Variants in USP42 observed in about 807,000 individuals in gnomAD.
USP42 encodes the protein ubiquitin specific peptidase 42.
A neutral mutation model predicts 113.0 loss-of-function variants in USP42; 23 were observed. The ratio of observed to expected loss-of-function variants is 0.20; its 90% CI spans 0.15 to 0.29. USP42 has a LOEUF of 0.29. USP42 is among the 10% of genes least tolerant of loss of function. USP42 has a pLI of 1.00. For missense variants in USP42, 2,174 were observed against 1,779.8 expected, an observed-to-expected ratio of 1.22 and a Z score of -3.99; for synonymous variants, 933 against 699.0, an observed-to-expected ratio of 1.33 and a Z score of -5.28.
chr7:6,123,832 CAAA>C lies in USP42; in HGVS notation c.442+8326_442+8328del, dbSNP rs34032326. Reference sequence around the variant, plus strand: ...AGGGCAACGAAAGGAGACCCTGTCTCAAAAAAAAAAAAAAAAAAAGCCACTCCA... The same window carrying C: ...AGGGCAACGAAAGGAGACCCTGTCTCAAAAAAAAAAAAAAAAGCCACTCCA... On this transcript the variant is annotated intron_variant, in intron 3 of 17. Transcript: ENST00000306177. 6.7e-4 allele frequency among the ~76,000 whole-genome samples: 49 copies of C among 72,752 alleles called. No individual in the cohort carries two copies. The South Asian group carries it at 0.021, about 31-fold the overall frequency. The allele number at this position is 72,752 out of a possible 152,430, so 47.7% of individuals were successfully genotyped here. A position where few individuals can be genotyped will look rare whatever the true frequency, so the allele number is the denominator to read the frequency against.
intron 3 of USP42, among the ~76,000 whole-genome samples, chr7:6,117,912 G>T (rs146496458): frequency 2.3e-4 from 35 of 152,118 alleles, no homozygotes; most frequent in African/African-American, 7.7e-4. Flanking sequence ...TCTTTTGCCC[G>T]TTTGAAAACT....
At position 6,158,359 on chromosome 7, in the gene USP42, G is replaced by A. The variant is rs1782580644; in HGVS notation, c.3944-1091G>A. Among the ~76,000 whole-genome samples, 1 of 151,586 alleles carries A rather than the reference G, an allele frequency of 6.6e-6. No individual in the cohort carries two copies. The highest frequency in any genetic ancestry group is 1.5e-5 in the Non-Finnish European group (1 of 67,590). ...CCCTGCCTGGACGCCCATTGTTTGT[G>A]TTCACGTGTGAAGCGCATCCCCTCC... On this transcript the variant is annotated intron_variant, in intron 16 of 17. Transcript: ENST00000306177. This position sits in a 1 kb window ranked among gnomAD's most constrained non-coding sequence, Gnocchi z 4.2.
At chr7:6,135,651 C>CAAAA (rs1173165919) in intron 3 of USP42, among the ~76,000 whole-genome samples, 190 bp from the exon 4 acceptor site, 1 of 16,154 alleles carries the variant, frequency 6.2e-5, no homozygotes, top group Non-Finnish European at 1.4e-4. Context: ...GACTCCATCT[C>CAAAA]AAAAAAAAAA....
At position 6,139,321 on chromosome 7, in the gene USP42, T is replaced by A; in HGVS notation, c.656+127T>A. 2.9e-6 allele frequency: 2 copies of A among 683,448 alleles called. No homozygotes were observed. The highest frequency in any genetic ancestry group is 4.6e-6 in the Non-Finnish European group (2 of 433,612). The allele number at this position is 683,448 out of a possible 1,614,324, so 42.3% of individuals were successfully genotyped here. On this transcript the variant is annotated intron_variant, in intron 5 of 17. Coordinates refer to ENST00000306177, the MANE Select transcript of USP42 (RefSeq NM_032172.3). The surrounding 1 kb of genome is among the most constrained non-coding windows in gnomAD (Gnocchi z 4.5). ...AACAGTGTTCACTTTACCTTTTGGC[T>A]TTGCTCTGCCTCTTCCTTAGGTGAT...
the USP42 span, among the ~76,000 whole-genome samples, chr7:6,097,600 T>C: frequency 6.7e-6 from 1 of 150,162 alleles, no homozygotes; most frequent in Non-Finnish European, 1.5e-5. Context: ...TCTTTTCTTT[T>C]TTTTTTTCGA....
Position 6,158,381 on chromosome 7 carries a change from C to G in USP42, c.3944-1069C>G, listed in dbSNP as rs946856791. 6.6e-6 allele frequency among the ~76,000 whole-genome samples: 1 copy of G among 152,256 alleles called. No homozygotes were observed. The stretch of plus-strand genomic sequence containing the variant: ...TGTGTTCACGTGTGAAGCGCATCCC[C>G]TCCTCCCAGGGGCTTTTGACGAATC... On this transcript the variant is annotated intron_variant, in intron 16 of 17. Coordinates refer to ENST00000306177, the MANE Select transcript of USP42 (RefSeq NM_032172.3). This position sits in a 1 kb window ranked among gnomAD's most constrained non-coding sequence, Gnocchi z 4.2.
intron 1 of USP42, 40 bp downstream of exon 1, chr7:6,105,072 T>A (rs1009530622): frequency 6.8e-6 from 1 of 147,300 alleles, no homozygotes; most frequent in Non-Finnish European, 1.5e-5. Context: ...CAGGCCGGCA[T>A]GGGGCCCGCG....
the USP42 span, among the ~76,000 whole-genome samples, chr7:6,096,607 G>A: frequency 6.6e-6 from 1 of 151,356 alleles, no homozygotes; most frequent in Non-Finnish European, 1.5e-5. Flanking sequence ...TCCAAGGTTT[G>A]GGGAAGAACA....
chr7:6,153,419 A>G lies in USP42; in HGVS notation c.2202-337A>G, dbSNP rs990136240. Among the ~76,000 whole-genome samples, 3 of 152,288 alleles carry G rather than the reference A, an allele frequency of 2.0e-5. No individual in the cohort carries two copies. The East Asian group carries it at 5.8e-4, about 29-fold the overall frequency. On this transcript the variant is annotated intron_variant, in intron 14 of 17. Coordinates refer to ENST00000306177, the MANE Select transcript of USP42 (RefSeq NM_032172.3). Reference sequence around the variant, plus strand: ...GCTAGGAGCTGGGCTTGATGATATAACATTTTATTTTTATTTAATAAGGGA... The same window carrying G: ...GCTAGGAGCTGGGCTTGATGATATAGCATTTTATTTTTATTTAATAAGGGA...
chr7:6,120,453 G>C (rs1450641279), intron 3 of USP42, among the ~76,000 whole-genome samples: 1 of 151,806 alleles, frequency 6.6e-6, no homozygotes, highest in Non-Finnish European at 1.5e-5. Context: ...GTGTTGGCCA[G>C]GCTGGTCTCA....
In USP42 at chr7:6,149,652, G is replaced by A. The variant is rs200908439; in HGVS notation, c.1456G>A (p.Gly486Arg). The part of the protein sequence containing the change: ...TPSSSMSSPN[G>R]NSSVNRASPV... ...AAGCAGTTCCATGTCGAGTCCTAAC[G>A]GGAATTCCAGTGTCAACAGGGCTAG... The change falls in exon 13 of 18, where the codon GGG becomes AGG. Residue 486 changes from glycine to arginine, a missense_variant. By Grantham distance (125) the Gly-to-Arg change is moderately radical. Transcript: ENST00000306177. 2.7e-4 allele frequency: 435 copies of A among 1,613,778 alleles called. No individual in the cohort carries two copies. The highest frequency in any genetic ancestry group is 4.9e-4 in the Middle Eastern group (3 of 6,084).
At chr7:6,120,771 A>T (rs889617998) in intron 3 of USP42, among the ~76,000 whole-genome samples, 1 of 151,642 alleles carries the variant, frequency 6.6e-6, no homozygotes, top group African/African-American at 2.4e-5. Context: ...TTTAGTAGAG[A>T]TGGGGTTTCA....
intron 2 of USP42, among the ~76,000 whole-genome samples, chr7:6,113,729 C>G (rs1779728461): frequency 6.6e-6 from 1 of 152,136 alleles, no homozygotes; most frequent in African/African-American, 2.4e-5. Flanking sequence ...TCACACCATT[C>G]TCCTGCCTCA....
chr7:6,105,477 C>T (rs1292049520), intron 1 of USP42, among the ~76,000 whole-genome samples: 1 of 147,246 alleles, frequency 6.8e-6, no homozygotes, highest in Non-Finnish European at 1.5e-5. Flanking sequence ...CGCCCGCCGC[C>T]CCCCGCGTGG....
chr7:6,089,226 G>C, the USP42 span, among the ~76,000 whole-genome samples: 1 of 134,306 alleles, frequency 7.4e-6, no homozygotes, highest in Non-Finnish European at 1.6e-5. Flanking sequence ...TTTTTTTTTT[G>C]TATTTTTAGT....
Position 6,157,195 on chromosome 7 carries a change from G to A in USP42, c.3943+140G>A. On this transcript the variant is annotated intron_variant, in intron 16 of 17. Coordinates refer to ENST00000306177, the MANE Select transcript of USP42 (RefSeq NM_032172.3). The surrounding 1 kb of genome is among the most constrained non-coding windows in gnomAD (Gnocchi z 4.1). ...ACTCAGAGCACCCCTGCCCTGCCTG[G>A]TCTGGCCTCAGTGCTCATCCCTGCA... 1 of 1,432,438 alleles carries A rather than the reference G, an allele frequency of 7.0e-7. No individual in the cohort carries two copies. Among genetic ancestry groups the A allele is most frequent in the Non-Finnish European group, 9.1e-7 (1 of 1,098,728 alleles). 88.7% of individuals were successfully genotyped at this position (1,432,438 alleles called of 1,614,324 possible).
intron 3 of USP42, among the ~76,000 whole-genome samples, chr7:6,123,086 A>G (rs1264393329): frequency 2.0e-5 from 3 of 151,984 alleles, no homozygotes; most frequent in African/African-American, 4.8e-5. Flanking sequence ...TCGGCCTCCC[A>G]AAGTGCTGGG....
chr7:6,140,861 G>GT, intron 6 of USP42, 53 bp from the exon 7 acceptor site: 3 of 973,568 alleles, frequency 3.1e-6, no homozygotes, highest in Non-Finnish European at 4.7e-6. Context: ...AGTAGTTGAT[G>GT]TTGCTGTAAT....
In USP42 at chr7:6,154,341, G is replaced by T; in HGVS notation, c.2787G>T (p.Ala929=). The change falls in exon 15 of 18, where the codon GCG becomes GCT. Residue 929 remains alanine, a synonymous_variant. Coordinates refer to ENST00000306177, the MANE Select transcript of USP42 (RefSeq NM_032172.3). ...SPGERVEDAA[A]PKAPGPSPAK... is the part of the protein sequence containing the mutation. ...GCGAGAGGGTCGAGGACGCCGCGGC[G>T]CCGAAAGCCCCAGGCCCTTCCCCAG... is the stretch of plus-strand genomic sequence containing the variant. The T allele has an allele frequency of 6.4e-7, 1 of 1,571,332 alleles. No homozygotes were observed. The highest frequency in any genetic ancestry group is 8.6e-7 in the Non-Finnish European group (1 of 1,159,506).
Sources: gnomAD v4.1 joint callset for allele counts (sites outside exome capture counted in the v4.1 genomes callset) on GRCh38, gnomAD v4.1.1 for gene constraint, Gnocchi (gnomAD v3.1) non-coding constraint, MANE v1.5 for transcripts, NCBI Gene and HGNC (gene_info 2026-07-23, HGNC 2026-07-21) for gene names.